The following PLCB1 variants were observed in gnomAD, a reference collection of about 807,000 sequenced individuals.
PLCB1 encodes the protein 1-phosphatidylinositol 4,5-bisphosphate phosphodiesterase beta-1.
PLCB1 carries 46 observed loss-of-function variants against 161.8 expected under a neutral mutation model. The ratio of observed to expected loss-of-function variants is 0.28; its 90% CI spans 0.22 to 0.36. PLCB1 has a LOEUF of 0.36. Among genes scored for constraint, PLCB1 ranks in the 10% least tolerant of loss-of-function variants. PLCB1 has a pLI of 1.00. For synonymous variants in PLCB1, 517 were observed against 503.7 expected, an observed-to-expected ratio of 1.03 and a Z score of -0.35; for missense variants, 1,016 against 1,472.5, an observed-to-expected ratio of 0.69 and a Z score of 5.07.
rs763270303 is a variant in PLCB1, at chr20:8,724,650, T to A, written c.1582-6T>A. On this transcript the variant is annotated splice_region_variant and splice_polypyrimidine_tract_variant and intron_variant, in intron 15 of 31. Transcript: ENST00000338037. ...GAAATGTTTTCTTTTTTATTCCTAC[T>A]TCCAGGGGACTGCTGGAAGTGAGGC... is the stretch of plus-strand genomic sequence containing the variant. 2 of 1,529,658 alleles carry A rather than the reference T, an allele frequency of 1.3e-6. No homozygotes were observed. The highest frequency in any genetic ancestry group is 1.4e-5 in the African/African-American group (1 of 73,178). 94.8% of individuals were successfully genotyped at this position (1,529,658 alleles called of 1,614,324 possible). A position where few individuals can be genotyped will look rare whatever the true frequency, so the allele number is the denominator to read the frequency against.
intron 31 of PLCB1, among the ~76,000 whole-genome samples, chr20:8,823,001 T>C (rs113762234): frequency 6.6e-6 from 1 of 152,208 alleles, no homozygotes; most frequent in Admixed American, 6.5e-5. Flanking sequence ...CCCTAAATCA[T>C]TGAGTTAGGT....
chr20:8,587,795 G>A (rs1421349999), intron 3 of PLCB1, among the ~76,000 whole-genome samples: 3 of 152,168 alleles, frequency 2.0e-5, no homozygotes, highest in Admixed American at 6.5e-5. Context: ...AGCATATGAG[G>A]TAAGGAGTCC....
chr20:8,161,863 T>C (rs1191490858), intron 2 of PLCB1, among the ~76,000 whole-genome samples: 1 of 152,198 alleles, frequency 6.6e-6, no homozygotes, highest in Non-Finnish European at 1.5e-5. Context: ...AAGCTGACCT[T>C]ACAAATTAAT....
At chr20:8,526,457 G>T (rs944019632) in intron 3 of PLCB1, among the ~76,000 whole-genome samples, 10 of 152,112 alleles carry the variant, frequency 6.6e-5, no homozygotes, top group Non-Finnish European at 1.3e-4. Context: ...ACTATTTAAT[G>T]CCTTCTTCTC....
chr20:8,448,025 A>G (rs1243358076), intron 3 of PLCB1, among the ~76,000 whole-genome samples: 2 of 152,192 alleles, frequency 1.3e-5, no homozygotes, highest in African/African-American at 4.8e-5. Flanking sequence ...AATCCTACAT[A>G]TATTTTCCTG....
chr20:8,212,718 C>T (rs1006347818), intron 2 of PLCB1, among the ~76,000 whole-genome samples: 1 of 152,114 alleles, frequency 6.6e-6, no homozygotes, highest in Non-Finnish European at 1.5e-5. Context: ...TATACCCTTG[C>T]ATGAGTATGC....
intron 31 of PLCB1, among the ~76,000 whole-genome samples, chr20:8,822,984 C>CGTTATTCCCTAAATCATTGAGTTA (rs1985507777): frequency 6.6e-6 from 1 of 152,114 alleles, no homozygotes; most frequent in Non-Finnish European, 1.5e-5. Flanking sequence ...TTGTCCTTGT[C>CGTTATTCCCTAAATCATTGAGTTA]GTTATTCCCT....
chr20:8,311,545 G>C (rs1407623824), intron 2 of PLCB1, among the ~76,000 whole-genome samples: 2 of 152,170 alleles, frequency 1.3e-5, no homozygotes, highest in African/African-American at 2.4e-5. Flanking sequence ...ATCTGTGATT[G>C]TGCCTCTGAT....
chr20:8,229,894 T>A (rs1301162897), intron 2 of PLCB1, among the ~76,000 whole-genome samples: 6 of 147,376 alleles, frequency 4.1e-5, no homozygotes, highest in Admixed American at 1.4e-4. Context: ...AAAAATAAAA[T>A]AAAAAAAATA....
intron 2 of PLCB1, among the ~76,000 whole-genome samples, chr20:8,293,933 C>T (rs949188875): frequency 1.3e-5 from 2 of 152,092 alleles, no homozygotes; most frequent in Admixed American, 6.6e-5. Context: ...AAGATAGGTT[C>T]GTGTTGGTCA....
chr20:8,738,876 C>A (rs1262970082), intron 20 of PLCB1, among the ~76,000 whole-genome samples: 1 of 152,162 alleles, frequency 6.6e-6, no homozygotes, highest in Non-Finnish European at 1.5e-5. Flanking sequence ...CCTGGCCAGG[C>A]GCAGTGGCTC....
At chr20:8,537,895 T>G (rs1367687967) in intron 3 of PLCB1, among the ~76,000 whole-genome samples, 1 of 152,194 alleles carries the variant, frequency 6.6e-6, no homozygotes, top group East Asian at 1.9e-4. Flanking sequence ...CAAGCTACTT[T>G]CAACTGAAGA....
chr20:8,652,843 C>A (rs906895344), intron 7 of PLCB1: 1 of 152,048 alleles, frequency 6.6e-6, no homozygotes, highest in East Asian at 1.9e-4. Flanking sequence ...TTAGAAATCA[C>A]AGTTGCTAGC....
rs552999270 is a variant in PLCB1, at chr20:8,652,444, G to C, written c.594+2995G>C. The C allele has an allele frequency of 1.8e-4, 28 of 152,198 alleles. 1 individual carries two copies. The highest frequency in any genetic ancestry group is 6.5e-4 in the Admixed American group (10 of 15,278). The allele number at this position is 152,198 out of a possible 1,614,324, so 9.4% of individuals were successfully genotyped here. A position where few individuals can be genotyped will look rare whatever the true frequency, so the allele number is the denominator to read the frequency against. On this transcript the variant is annotated intron_variant, in intron 7 of 31. Coordinates refer to ENST00000338037, the MANE Select transcript of PLCB1 (RefSeq NM_015192.4). The stretch of plus-strand genomic sequence containing the variant: ...TAGGAAATAAATGTTTCTGTGAACT[G>C]ACTATGATGTATCAAAACTCTGTTT...
intron 23 of PLCB1, among the ~76,000 whole-genome samples, chr20:8,756,152 C>G (rs1320043891): frequency 6.6e-6 from 1 of 152,100 alleles, no homozygotes; most frequent in Non-Finnish European, 1.5e-5. Context: ...TGACAACTTT[C>G]ACATTATTTA....
intron 3 of PLCB1, among the ~76,000 whole-genome samples, chr20:8,528,087 A>T (rs1984654363): frequency 6.6e-6 from 1 of 152,132 alleles, no homozygotes; most frequent in Admixed American, 6.6e-5. Flanking sequence ...AGTCATCAAG[A>T]ATAACTACAT....
At chr20:8,416,890 G>A (rs1979297533) in intron 3 of PLCB1, among the ~76,000 whole-genome samples, 2 of 149,584 alleles carry the variant, frequency 1.3e-5, no homozygotes, top group South Asian at 4.2e-4. Flanking sequence ...TTGGGAAATA[G>A]TCCTTGATGG....
At chr20:8,644,324 G>A (rs1989070708) in intron 4 of PLCB1, among the ~76,000 whole-genome samples, 2 of 148,700 alleles carry the variant, frequency 1.3e-5, no homozygotes, top group East Asian at 2.0e-4. Context: ...GTCTCTGCCC[G>A]GCCGCCATCC....
At chr20:8,373,917 T>A (rs1401159367) in intron 3 of PLCB1, among the ~76,000 whole-genome samples, 1 of 152,158 alleles carries the variant, frequency 6.6e-6, no homozygotes, top group Admixed American at 6.5e-5. Flanking sequence ...ATTGGACAAA[T>A]AAAAATATAA....
Sources: gnomAD v4.1 joint callset for allele counts (sites outside exome capture counted in the v4.1 genomes callset) on GRCh38, gnomAD v4.1.1 for gene constraint, MANE v1.5 for transcripts, NCBI Gene and HGNC (gene_info 2026-07-23, HGNC 2026-07-21) for gene names.